CSMD3: variants seen among roughly 807,000 people sequenced by gnomAD.
CSMD3 encodes the protein CUB and Sushi multiple domains 3.
CSMD3 carries 177 observed loss-of-function variants against 435.2 expected under a neutral mutation model. The ratio of observed to expected loss-of-function variants is 0.41; its 90% CI spans 0.36 to 0.46. The LOEUF (loss-of-function observed/expected upper bound fraction) is 0.46, where lower values mean the gene tolerates loss of function less well. Among genes scored for constraint, CSMD3 ranks in the 20% least tolerant of loss-of-function variants. CSMD3 has a pLI of 0.34. For missense variants in CSMD3, 4,265 were observed against 4,504.6 expected (o/e 0.95, Z 1.52); for synonymous variants, 1,656 against 1,520.5 (o/e 1.09, Z -2.07).
At chr8:112,366,610 T>A (rs1586891169) in intron 38 of CSMD3, among the ~76,000 whole-genome samples, 1 of 152,034 alleles carries the variant, frequency 6.6e-6, no homozygotes. Context: ...GTTGGCCAGG[T>A]TCGTCTCAAC....
At chr8:113,091,075 AG>A (rs1373636003) in intron 5 of CSMD3, among the ~76,000 whole-genome samples, 1 of 152,128 alleles carries the variant, frequency 6.6e-6, no homozygotes, top group Non-Finnish European at 1.5e-5. Context: ...AAAATGAAAA[AG>A]GTGTTTCCTC....
At chr8:113,221,108 T>A (rs999943036) in intron 3 of CSMD3, among the ~76,000 whole-genome samples, 4 of 151,222 alleles carry the variant, frequency 2.6e-5, no homozygotes, top group African/African-American at 9.7e-5. Flanking sequence ...TACCCAAATT[T>A]TGTTGGATCT....
intron 5 of CSMD3, among the ~76,000 whole-genome samples, chr8:113,035,918 G>A (rs1218367394): frequency 3.3e-5 from 5 of 151,864 alleles, no homozygotes; most frequent in Admixed American, 6.6e-5. Flanking sequence ...GTAAGGAAAT[G>A]CATTCATTAT....
intron 36 of CSMD3, among the ~76,000 whole-genome samples, chr8:112,388,644 G>C (rs1437799507): frequency 6.6e-6 from 1 of 152,188 alleles, no homozygotes; most frequent in African/African-American, 2.4e-5. Context: ...AAGTTTAGCT[G>C]AAAATGTCCA....
intron 57 of CSMD3, among the ~76,000 whole-genome samples, chr8:112,287,969 T>C (rs1211931095): frequency 2.6e-5 from 4 of 151,510 alleles, no homozygotes; most frequent in Non-Finnish European, 5.9e-5. Context: ...TCTTAAATAA[T>C]CCTAATCAAA....
chr8:113,186,079 C>T (rs756254505), intron 3 of CSMD3, among the ~76,000 whole-genome samples: 1 of 151,982 alleles, frequency 6.6e-6, no homozygotes, highest in Non-Finnish European at 1.5e-5. Flanking sequence ...TTTCATGGAC[C>T]AAATTAGCCC....
chr8:112,978,705 AG>A, intron 6 of CSMD3, among the ~76,000 whole-genome samples: 1 of 152,002 alleles, frequency 6.6e-6, no homozygotes, highest in East Asian at 1.9e-4. Flanking sequence ...TATTCCAACC[AG>A]GTATTTTACT....
At chr8:113,189,866 G>GT (rs899980710) in intron 3 of CSMD3, among the ~76,000 whole-genome samples, 1 of 151,614 alleles carries the variant, frequency 6.6e-6, no homozygotes, top group Admixed American at 6.6e-5. Context: ...ATCATGTTTT[G>GT]TTTTCTGGGA....
intron 4 of CSMD3, among the ~76,000 whole-genome samples, chr8:113,101,206 C>A (rs2090320994): frequency 6.6e-6 from 1 of 152,088 alleles, no homozygotes; most frequent in African/African-American, 2.4e-5. Flanking sequence ...CTCCAGCTGG[C>A]TGCTTACATT....
Position 113,055,269 on chromosome 8 carries a change from C to G in CSMD3, c.918-36090G>C, listed in dbSNP as rs560285022. 1.7e-3 allele frequency among the ~76,000 whole-genome samples: 256 copies of G among 152,262 alleles called. 1 individual carries two copies. Among genetic ancestry groups the G allele is most frequent in the African/African-American group, 5.8e-3 (240 of 41,562 alleles). ...GCGTTCAAGCAATTCTCTTCCTCAG[C>G]CTCCTGAGTAGCTGGGATTACAGAC... On this transcript the variant is annotated intron_variant, in intron 5 of 70. Transcript: ENST00000297405.
intron 13 of CSMD3, among the ~76,000 whole-genome samples, chr8:112,740,940 T>C (rs2077291399): frequency 6.6e-6 from 1 of 151,972 alleles, no homozygotes; most frequent in African/African-American, 2.4e-5. Context: ...TAAGTAGATT[T>C]AGAATAGTCA....
intron 38 of CSMD3, among the ~76,000 whole-genome samples, chr8:112,366,630 T>C (rs1459947345): frequency 6.6e-6 from 1 of 152,208 alleles, no homozygotes; most frequent in Non-Finnish European, 1.5e-5. Flanking sequence ...CCTCCTGACC[T>C]CAGGTGATTT....
chr8:112,282,414 G>A (rs538950646), intron 58 of CSMD3, among the ~76,000 whole-genome samples: 1 of 152,128 alleles, frequency 6.6e-6, no homozygotes, highest in East Asian at 1.9e-4. Context: ...ATGCATTAGT[G>A]CCTGCCTGAA....
At chr8:113,036,549 T>C (rs554468146) in intron 5 of CSMD3, among the ~76,000 whole-genome samples, 1 of 152,140 alleles carries the variant, frequency 6.6e-6, no homozygotes, top group South Asian at 2.1e-4. Context: ...ATGTGTAAAA[T>C]TTTAAAGATA....
chr8:113,029,452 G>T (rs1281231777), intron 5 of CSMD3, among the ~76,000 whole-genome samples: 2 of 151,538 alleles, frequency 1.3e-5, no homozygotes, highest in Non-Finnish European at 3.0e-5. Flanking sequence ...TCATACCAGG[G>T]ATGCAGGGAT....
At chr8:113,215,905 AT>A (rs2092899195) in intron 3 of CSMD3, among the ~76,000 whole-genome samples, 1 of 151,828 alleles carries the variant, frequency 6.6e-6, no homozygotes, top group Non-Finnish European at 1.5e-5. Flanking sequence ...GCTTTTGTGA[AT>A]ACTTTTTTAA....
chr8:112,296,089 C>CCTTTTAAGACAA, intron 53 of CSMD3, 83 bp from the exon 54 acceptor site: 2 of 1,106,398 alleles, frequency 1.8e-6, no homozygotes, highest in Non-Finnish European at 2.7e-6. Context: ...CATGAGCAAA[C>CCTTTTAAGACAA]CTTTAAAGTT....
At chr8:112,506,603 A>T in intron 29 of CSMD3, 88 bp downstream of exon 29, 2 of 1,274,210 alleles carry the variant, frequency 1.6e-6, no homozygotes, top group African/African-American at 1.5e-5. Context: ...CTATATACAG[A>T]AATAGGAATT....
chr8:112,988,073 C>T (rs1457828915), intron 6 of CSMD3, among the ~76,000 whole-genome samples: 1 of 151,970 alleles, frequency 6.6e-6, no homozygotes. Flanking sequence ...AGAAGAGGGT[C>T]ATCTGCCTTC....
Sources: gnomAD v4.1 joint callset for allele counts (sites outside exome capture counted in the v4.1 genomes callset) on GRCh38, gnomAD v4.1.1 for gene constraint, MANE v1.5 for transcripts, NCBI Gene and HGNC (gene_info 2026-07-23, HGNC 2026-07-21) for gene names.